The following RHOJ variants were observed in gnomAD, a reference collection of about 807,000 sequenced individuals.
RHOJ encodes the protein rho-related GTP-binding protein RhoJ.
A neutral mutation model predicts 23.4 loss-of-function variants in RHOJ; 11 were observed. The ratio of observed to expected loss-of-function variants is 0.47; its 90% CI spans 0.30 to 0.78. The LOEUF (loss-of-function observed/expected upper bound fraction) is 0.78. RHOJ is among the 30% of genes least tolerant of loss of function. The probability of loss-of-function intolerance (pLI) is 0.08; values close to 1 mark genes in which losing one functional copy is unlikely to be tolerated. For synonymous variants in RHOJ, 102 were observed against 102.7 expected (o/e 0.99, Z 0.04); for missense variants, 254 against 273.4 (o/e 0.93, Z 0.50).
At chr14:63,260,245 T>C (rs1895249207) in intron 1 of RHOJ, among the ~76,000 whole-genome samples, 2 of 152,232 alleles carry the variant, frequency 1.3e-5, no homozygotes. Context: ...AAAGCAAGTA[T>C]AGGTAGAGCA....
chr14:63,270,172 T>C (rs1004245292), intron 2 of RHOJ, among the ~76,000 whole-genome samples: 169 of 131,636 alleles, frequency 1.3e-3, no homozygotes, highest in African/African-American at 6.0e-3. Context: ...GTCTAGGCCT[T>C]TTTTTTTTTT....
intron 1 of RHOJ, among the ~76,000 whole-genome samples, chr14:63,244,738 T>C (rs1894946061): frequency 6.6e-6 from 1 of 152,256 alleles, no homozygotes; most frequent in Admixed American, 6.5e-5. Flanking sequence ...AGTATTAAGA[T>C]ACCAATTTCA....
intron 2 of RHOJ, among the ~76,000 whole-genome samples, chr14:63,270,906 G>A (rs1013356669): frequency 2.0e-5 from 3 of 152,146 alleles, no homozygotes; most frequent in Non-Finnish European, 4.4e-5. Context: ...TGTGTTAACT[G>A]CCCCAAGAAA....
In RHOJ at chr14:63,205,034, T is replaced by G; in HGVS notation, c.165T>G (p.Phe55Leu). ...CAGAGGAATACGTGCCCACTGTGTT[T>G]GACCACTATGCAGGTAAGAAAAAGT... ...AFPEEYVPTV[F>L]DHYAVTVTVG... The change falls in exon 1 of 5, where the codon TTT becomes TTG. Residue 55 changes from phenylalanine (F) to leucine (L), a missense_variant. By Grantham distance (22) the Phe-to-Leu change is conservative (BLOSUM62 0). Coordinates refer to ENST00000316754, the MANE Select transcript of RHOJ (RefSeq NM_020663.5). 6.2e-7 allele frequency: 1 copy of G among 1,614,028 alleles called. No individual in the cohort carries two copies. Among genetic ancestry groups the G allele is most frequent in the Non-Finnish European group, 8.5e-7 (1 of 1,179,946 alleles).
intron 1 of RHOJ, among the ~76,000 whole-genome samples, chr14:63,265,175 C>A (rs1895344722): frequency 6.6e-6 from 1 of 152,160 alleles, no homozygotes; most frequent in Non-Finnish European, 1.5e-5. Context: ...ATATTTAAAT[C>A]TTTAATTCAT....
At chr14:63,289,504 C>A (rs527409783) in intron 4 of RHOJ, among the ~76,000 whole-genome samples, 2 of 152,204 alleles carry the variant, frequency 1.3e-5, no homozygotes, top group Non-Finnish European at 2.9e-5. Flanking sequence ...TTTAATTTTT[C>A]AAAGTGATTC....
Position 63,204,783 on chromosome 14 carries a change from G to A in RHOJ, c.-87G>A, listed in dbSNP as rs1894069138. 1.5e-6 allele frequency: 2 copies of A among 1,371,330 alleles called. No homozygotes were observed. The highest frequency in any genetic ancestry group is 1.4e-5 in the African/African-American group (1 of 69,750). The allele number at this position is 1,371,330 out of a possible 1,614,324, so 84.9% of individuals were successfully genotyped here. Reference sequence around the variant, plus strand: ...AGTCAGACAGAGTAAACTCAAGCCTGGCACTGGCTTTCTGCCGCTTCATGT... The same window carrying A: ...AGTCAGACAGAGTAAACTCAAGCCTAGCACTGGCTTTCTGCCGCTTCATGT... On this transcript the variant is annotated 5_prime_UTR_variant, in exon 1 of 5. Transcript: ENST00000316754.
chr14:63,217,563 G>T (rs1057420355), intron 1 of RHOJ, among the ~76,000 whole-genome samples: 1 of 151,832 alleles, frequency 6.6e-6, no homozygotes, highest in African/African-American at 2.4e-5. Flanking sequence ...AGACTTAAAC[G>T]TTAGACCTAA....
intron 1 of RHOJ, among the ~76,000 whole-genome samples, chr14:63,228,677 C>T (rs1333988392): frequency 1.3e-5 from 2 of 150,666 alleles, no homozygotes; most frequent in East Asian, 3.9e-4. Context: ...GCAATGCACA[C>T]ACACTTTAAA....
chr14:63,280,576 A>G (rs1881866172), intron 2 of RHOJ, among the ~76,000 whole-genome samples: 1 of 152,118 alleles, frequency 6.6e-6, no homozygotes, highest in Non-Finnish European at 1.5e-5. Flanking sequence ...CTGTAAGGAG[A>G]TGAATATGTT....
chr14:63,290,913 G>T lies in RHOJ; in HGVS notation c.534G>T (p.Leu178=). 1 of 1,613,994 alleles carries T rather than the reference G, an allele frequency of 6.2e-7. No homozygotes were observed. The highest frequency in any genetic ancestry group is 8.5e-7 in the Non-Finnish European group (1 of 1,179,990). The change falls in exon 5 of 5, where the codon CTG becomes CTT. Residue 178 remains leucine, a synonymous_variant. Coordinates refer to ENST00000316754, the MANE Select transcript of RHOJ (RefSeq NM_020663.5). ...AGTGCTACTTGGAATGTTCAGCTCT[G>T]ACTCAGAAAGGTCTCAAAGCGGTTT... The part of the protein sequence containing the change: ...GAQCYLECSA[L]TQKGLKAVFD...
intron 1 of RHOJ, among the ~76,000 whole-genome samples, chr14:63,233,164 G>C (rs375163328): frequency 7.2e-5 from 11 of 152,136 alleles, no homozygotes; most frequent in African/African-American, 2.7e-4. Flanking sequence ...AAAAAAGAGA[G>C]GGCTTTGTAT....
intron 1 of RHOJ, among the ~76,000 whole-genome samples, chr14:63,246,749 G>C (rs1002643696): frequency 6.6e-6 from 1 of 151,950 alleles, no homozygotes; most frequent in Non-Finnish European, 1.5e-5. Context: ...CTTCTGTTTT[G>C]CTATATATTT....
intron 1 of RHOJ, among the ~76,000 whole-genome samples, chr14:63,231,639 TAAACTC>T (rs1894697616): frequency 1.3e-5 from 2 of 152,354 alleles, no homozygotes; most frequent in South Asian, 4.1e-4. Context: ...ACAAGTCACT[TAAACTC>T]TAAGCTATTG....
At chr14:63,219,618 C>T (rs973691588) in intron 1 of RHOJ, among the ~76,000 whole-genome samples, 2 of 152,074 alleles carry the variant, frequency 1.3e-5, no homozygotes, top group Non-Finnish European at 2.9e-5. Context: ...GAGATCAAGA[C>T]CATCCTGGTC....
At chr14:63,219,483 T>C (rs1263071538) in intron 1 of RHOJ, among the ~76,000 whole-genome samples, 2 of 152,218 alleles carry the variant, frequency 1.3e-5, no homozygotes, top group African/African-American at 4.8e-5. Context: ...TCTACTTCTT[T>C]TTTAAAGGCT....
intron 2 of RHOJ, 64 bp downstream of exon 2, chr14:63,269,232 C>T (rs893734876): frequency 1.6e-6 from 2 of 1,227,418 alleles, no homozygotes; most frequent in Non-Finnish European, 2.4e-6. Context: ...GATCCATTTG[C>T]TTATGCAGAT....
chr14:63,279,258 G>A (rs1446387853), intron 2 of RHOJ, among the ~76,000 whole-genome samples: 1 of 152,200 alleles, frequency 6.6e-6, no homozygotes, highest in Admixed American at 6.5e-5. Context: ...TATCATAGGT[G>A]TGAACATATA....
At chr14:63,239,888 G>A (rs1389887801) in intron 1 of RHOJ, among the ~76,000 whole-genome samples, 1 of 152,204 alleles carries the variant, frequency 6.6e-6, no homozygotes, top group Non-Finnish European at 1.5e-5. Flanking sequence ...TATGAAGAAA[G>A]TCAGGGCCAG....
Sources: gnomAD v4.1 joint callset for allele counts (sites outside exome capture counted in the v4.1 genomes callset) on GRCh38, gnomAD v4.1.1 for gene constraint, MANE v1.5 for transcripts, NCBI Gene and HGNC (gene_info 2026-07-23, HGNC 2026-07-21) for gene names.